PDLIM1: variants seen among roughly 807,000 people sequenced by gnomAD.
The protein encoded by PDLIM1 is PDZ and LIM domain 1, also known as PDZ and LIM domain protein 1.
Under a neutral mutation model 35.2 loss-of-function variants are expected in PDLIM1, and 25 were observed. That is an observed-to-expected ratio of 0.71 (90% confidence interval 0.52 to 0.99). The LOEUF is 0.99. PDLIM1 is among the 50% of genes least tolerant of loss of function. The pLI is 0.00. For synonymous variants in PDLIM1, 152 were observed against 154.0 expected, an observed-to-expected ratio of 0.99 and a Z score of 0.10; for missense variants, 363 against 415.3, an observed-to-expected ratio of 0.87 and a Z score of 1.09.
At chr10:95,275,729 G>T (rs1293818342) in intron 1 of PDLIM1, among the ~76,000 whole-genome samples, 1 of 152,208 alleles carries the variant, frequency 6.6e-6, no homozygotes, top group East Asian at 1.9e-4. Context: ...GTGAACTGCT[G>T]AGAAGTCCAG....
intron 4 of PDLIM1, among the ~76,000 whole-genome samples, chr10:95,262,671 G>C (rs992026372): frequency 9.3e-5 from 13 of 139,828 alleles, no homozygotes; most frequent in Admixed American, 8.2e-4. Context: ...TTGGGTATTT[G>C]AGTGGGCAAT....
intron 1 of PDLIM1, among the ~76,000 whole-genome samples, chr10:95,289,114 A>G (rs558669064): frequency 5.0e-4 from 76 of 152,350 alleles, no homozygotes; most frequent in African/African-American, 1.8e-3. Flanking sequence ...GATTGCCAAT[A>G]CATCCTCCAC....
intron 4 of PDLIM1, among the ~76,000 whole-genome samples, chr10:95,263,131 C>T (rs1397663885): frequency 1.5e-5 from 2 of 137,068 alleles, no homozygotes; most frequent in African/African-American, 5.4e-5. Context: ...GGTGACAGAG[C>T]GAAAGCTTGT....
chr10:95,289,021 T>C (rs2035627448), intron 1 of PDLIM1, among the ~76,000 whole-genome samples: 1 of 152,218 alleles, frequency 6.6e-6, no homozygotes, highest in Non-Finnish European at 1.5e-5. Flanking sequence ...AGTGTGGTGT[T>C]TTCCACCCCA....
At chr10:95,280,486 G>A (rs1329303121) in intron 1 of PDLIM1, among the ~76,000 whole-genome samples, 1 of 152,194 alleles carries the variant, frequency 6.6e-6, no homozygotes, top group African/African-American at 2.4e-5. Flanking sequence ...ATGATTATAT[G>A]TAGAAATACT....
intron 3 of PDLIM1, among the ~76,000 whole-genome samples, chr10:95,266,427 G>A (rs757158088): frequency 2.0e-5 from 3 of 152,194 alleles, no homozygotes; most frequent in Non-Finnish European, 2.9e-5. Context: ...CCATCACCAT[G>A]GCAATTCCTA....
At chr10:95,252,240 T>A (rs964365933) in intron 4 of PDLIM1, among the ~76,000 whole-genome samples, 2 of 152,168 alleles carry the variant, frequency 1.3e-5, no homozygotes, top group East Asian at 3.9e-4. Flanking sequence ...TGCTCAGCAG[T>A]GTCTAGGCCA....
Position 95,276,471 on chromosome 10 carries a change from T to C in PDLIM1, c.97-4687A>G, listed in dbSNP as rs149292191. 2.0e-5 allele frequency among the ~76,000 whole-genome samples: 3 copies of C among 152,260 alleles called. No homozygotes were observed. The East Asian group carries it at 5.8e-4, about 29-fold the overall frequency. The stretch of plus-strand genomic sequence containing the variant: ...CACCCATTATAAAATTTACAAACCA[T>C]AACACAGAAGTGACAAGGGTTACAG... On this transcript the variant is annotated intron_variant, in intron 1 of 6. Transcript: ENST00000329399.
At chr10:95,284,841 C>T (rs1246475492) in intron 1 of PDLIM1, among the ~76,000 whole-genome samples, 1 of 152,222 alleles carries the variant, frequency 6.6e-6, no homozygotes, top group Non-Finnish European at 1.5e-5. Context: ...ACCAAGGAGA[C>T]AGTGTATTAC....
At chr10:95,247,080 T>C (rs1589506694) in intron 5 of PDLIM1, 135 bp downstream of exon 5, 1 of 741,412 alleles carries the variant, frequency 1.3e-6, no homozygotes, top group Non-Finnish European at 2.2e-6. Context: ...TATCTCTTTT[T>C]AAAGAATTTC....
At chr10:95,262,913 T>G (rs1481370175) in intron 4 of PDLIM1, among the ~76,000 whole-genome samples, 1 of 151,872 alleles carries the variant, frequency 6.6e-6, no homozygotes, top group Non-Finnish European at 1.5e-5. Context: ...GAGTCTGAGG[T>G]GGGAGGATCA....
chr10:95,269,609 C>T (rs79587021), intron 2 of PDLIM1, among the ~76,000 whole-genome samples: 9,597 of 150,042 alleles, frequency 0.064, 403 homozygotes, highest in South Asian at 0.2. Context: ...CCCTCTTTTG[C>T]TCTTATAAAC....
chr10:95,289,757 C>G (rs1482937283), intron 1 of PDLIM1, among the ~76,000 whole-genome samples: 1 of 152,234 alleles, frequency 6.6e-6, no homozygotes, highest in Non-Finnish European at 1.5e-5. Context: ...GCAGCTTCAG[C>G]AGGCAGATGA....
chr10:95,277,732 C>G (rs1303765674), intron 1 of PDLIM1, among the ~76,000 whole-genome samples: 1 of 152,164 alleles, frequency 6.6e-6, no homozygotes, highest in Non-Finnish European at 1.5e-5. Context: ...TCAATTCATT[C>G]TTGTGTCCCT....
chr10:95,277,137 C>T (rs1284393266), intron 1 of PDLIM1, among the ~76,000 whole-genome samples: 1 of 151,928 alleles, frequency 6.6e-6, no homozygotes, highest in Non-Finnish European at 1.5e-5. Flanking sequence ...ATAGCTTGTA[C>T]CCAGGAGGTA....
intron 1 of PDLIM1, among the ~76,000 whole-genome samples, chr10:95,289,999 A>G (rs913644185): frequency 2.0e-5 from 3 of 152,146 alleles, no homozygotes; most frequent in Non-Finnish European, 4.4e-5. Context: ...GTTTCACTTT[A>G]TTAGGGGGGC....
At chr10:95,286,166 G>T (rs940869714) in intron 1 of PDLIM1, among the ~76,000 whole-genome samples, 20 of 152,182 alleles carry the variant, frequency 1.3e-4, no homozygotes, top group African/African-American at 4.6e-4. Flanking sequence ...AGACAAGCCT[G>T]GCCAACATGG....
chr10:95,280,587 G>GGAT (rs1449387180), intron 1 of PDLIM1, among the ~76,000 whole-genome samples: 2 of 152,156 alleles, frequency 1.3e-5, no homozygotes, highest in African/African-American at 4.8e-5. Flanking sequence ...ACTCCAGCCT[G>GGAT]GATAATAAAC....
At chr10:95,283,536 G>T (rs767147644) in intron 1 of PDLIM1, among the ~76,000 whole-genome samples, 10 of 152,210 alleles carry the variant, frequency 6.6e-5, no homozygotes, top group Non-Finnish European at 1.5e-4. Context: ...CTGAGATATA[G>T]TAATTTGGTT....
Sources: allele counts gnomAD v4.1 joint callset (sites outside exome capture counted in the v4.1 genomes callset), GRCh38; gene constraint gnomAD v4.1.1; transcripts MANE v1.5; gene names NCBI Gene and HGNC (gene_info 2026-07-23, HGNC 2026-07-21).